The following ZFPM2 variants were observed in gnomAD, a reference collection of about 807,000 sequenced individuals.
ZFPM2 encodes zinc finger protein, FOG family member 2.
A neutral mutation model predicts 98.6 loss-of-function variants in ZFPM2; 20 were observed. The ratio of observed to expected loss-of-function variants is 0.20; its 90% CI spans 0.14 to 0.29. The LOEUF (loss-of-function observed/expected upper bound fraction) is 0.29. Among genes scored for constraint, ZFPM2 ranks in the 10% least tolerant of loss-of-function variants. The probability of loss-of-function intolerance (pLI) is 1.00; values close to 1 mark genes in which losing one functional copy is unlikely to be tolerated. For missense variants in ZFPM2, 1,310 were observed against 1,388.6 expected (o/e 0.94, Z 0.90); for synonymous variants, 518 against 502.7 (o/e 1.03, Z -0.41).
intron 4 of ZFPM2, among the ~76,000 whole-genome samples, chr8:105,601,553 C>T (rs1009982946): frequency 2.6e-5 from 4 of 152,210 alleles, no homozygotes; most frequent in East Asian, 1.9e-4. Flanking sequence ...TAAATTATAG[C>T]CAAATTCTTC....
At chr8:105,741,242 A>C (rs1172088354) in intron 5 of ZFPM2, among the ~76,000 whole-genome samples, 1 of 152,104 alleles carries the variant, frequency 6.6e-6, no homozygotes, top group East Asian at 1.9e-4. Flanking sequence ...TGACCCTTGG[A>C]TTTAGCAGCG....
chr8:105,557,596 A>G (rs963007890), intron 3 of ZFPM2, among the ~76,000 whole-genome samples: 5 of 152,066 alleles, frequency 3.3e-5, no homozygotes, highest in South Asian at 2.1e-4. Flanking sequence ...CCCAAGCCAT[A>G]TGGATTTTAT....
chr8:105,393,905 T>G (rs2129949086), intron 1 of ZFPM2, among the ~76,000 whole-genome samples: 1 of 150,886 alleles, frequency 6.6e-6, no homozygotes, highest in African/African-American at 2.4e-5. Flanking sequence ...TTTTTTTTTT[T>G]TTTTTTGAGA....
chr8:105,514,278 C>T (rs1333139268), intron 3 of ZFPM2, among the ~76,000 whole-genome samples: 2 of 147,006 alleles, frequency 1.4e-5, no homozygotes, highest in Non-Finnish European at 3.0e-5. Context: ...GCTGGGATTA[C>T]AGGCGTGAGC....
intron 1 of ZFPM2, among the ~76,000 whole-genome samples, chr8:105,336,035 A>G (rs547618973): frequency 6.6e-6 from 1 of 151,958 alleles, no homozygotes; most frequent in African/African-American, 2.4e-5. Context: ...ATCCGATGGC[A>G]TTTGAATGGA....
chr8:105,344,687 G>A (rs1047592337), intron 1 of ZFPM2, among the ~76,000 whole-genome samples: 4 of 151,856 alleles, frequency 2.6e-5, no homozygotes, highest in African/African-American at 7.3e-5. Flanking sequence ...ATATATATGT[G>A]TGTGTGTATA....
chr8:105,437,795 C>T (rs1218829610), intron 2 of ZFPM2, among the ~76,000 whole-genome samples: 1 of 152,162 alleles, frequency 6.6e-6, no homozygotes, highest in African/African-American at 2.4e-5. Flanking sequence ...GTAATCCCAG[C>T]ACTTTAAGAG....
At chr8:105,379,710 G>A (rs1006156344) in intron 1 of ZFPM2, among the ~76,000 whole-genome samples, 2 of 148,746 alleles carry the variant, frequency 1.3e-5, no homozygotes, top group African/African-American at 2.5e-5. Context: ...CCGAGATCAC[G>A]CCATTGCGCT....
chr8:105,461,453 G>A (rs1244657558), intron 3 of ZFPM2, among the ~76,000 whole-genome samples: 1 of 152,042 alleles, frequency 6.6e-6, no homozygotes, highest in African/African-American at 2.4e-5. Flanking sequence ...TATGTCATCC[G>A]GTTAGGCTCA....
Position 105,710,092 on chromosome 8 carries a change from CT to C in ZFPM2, c.532+75747del, listed in dbSNP as rs367622436. ...TCTTTAGCCATTATTTAGTCTGATC[CT>C]TTTTTTTTTTTCATGAAGAAGCATT... On this transcript the variant is annotated intron_variant, in intron 5 of 7. Transcript: ENST00000407775. Among the ~76,000 whole-genome samples, 1,319 of 142,760 alleles carry C rather than the reference CT, an allele frequency of 9.2e-3. 6 individuals are homozygous for C. The highest frequency in any genetic ancestry group is 0.019 in the African/African-American group (751 of 38,978). The allele number at this position is 142,760 out of a possible 152,430, so 93.7% of individuals were successfully genotyped here. A position where few individuals can be genotyped will look rare whatever the true frequency, so the allele number is the denominator to read the frequency against.
intron 3 of ZFPM2, among the ~76,000 whole-genome samples, chr8:105,511,454 C>A (rs2130508721): frequency 6.6e-6 from 1 of 152,284 alleles, no homozygotes; most frequent in African/African-American, 2.4e-5. Flanking sequence ...AGCTCTTCAC[C>A]TAGATGGGGG....
chr8:105,430,852 T>G (rs193035770), intron 2 of ZFPM2, among the ~76,000 whole-genome samples: 1 of 151,872 alleles, frequency 6.6e-6, no homozygotes, highest in East Asian at 1.9e-4. Context: ...TACAGTAGGT[T>G]CCCAGAAGTG....
intron 3 of ZFPM2, among the ~76,000 whole-genome samples, chr8:105,466,668 G>A (rs867249609): frequency 6.6e-6 from 1 of 152,046 alleles, no homozygotes; most frequent in Non-Finnish European, 1.5e-5. Flanking sequence ...TAGGTTGAAA[G>A]TTTAATTGTT....
In ZFPM2 at chr8:105,320,657, T is replaced by G. The variant is rs150228917; in HGVS notation, c.40+1676T>G. 5.0e-3 allele frequency among the ~76,000 whole-genome samples: 763 copies of G among 152,314 alleles called. 6 individuals are homozygous for G. Among genetic ancestry groups the G allele is most frequent in the African/African-American group, 0.017 (706 of 41,576 alleles). ...GGGTTTGTTAATAAATAATTAATAT[T>G]AATTGATTGTATGGCACAAGACCAT... On this transcript the variant is annotated intron_variant, in intron 1 of 7. Transcript: ENST00000407775.
At position 105,654,922 on chromosome 8, in the gene ZFPM2, CTA is replaced by C. The variant is rs553758814; in HGVS notation, c.532+20567_532+20568del. Among the ~76,000 whole-genome samples, 6 of 152,282 alleles carry C rather than the reference CTA, an allele frequency of 3.9e-5. No homozygotes were observed. The East Asian group carries it at 1.2e-3, about 29-fold the overall frequency. ...ATAAAGTCCTCTGATACAGCCTTTT[CTA>C]TGATATAAAGTTTATTTGAATTTTT... On this transcript the variant is annotated intron_variant, in intron 5 of 7. Transcript: ENST00000407775.
intron 5 of ZFPM2, among the ~76,000 whole-genome samples, chr8:105,706,956 T>C (rs1328119925): frequency 5.3e-5 from 8 of 151,868 alleles, no homozygotes; most frequent in Admixed American, 5.2e-4. Flanking sequence ...TAAAAAGTAT[T>C]TAGGCTGGGT....
intron 4 of ZFPM2, among the ~76,000 whole-genome samples, chr8:105,622,526 A>G (rs1321126304): frequency 2.0e-5 from 3 of 152,182 alleles, no homozygotes; most frequent in African/African-American, 4.8e-5. Context: ...AAGATTTAAG[A>G]CATTTTCCAG....
At position 105,804,333 on chromosome 8, in the gene ZFPM2, G is replaced by C. The variant is rs1337942332; in HGVS notation, c.*795G>C. The C allele has an allele frequency of 6.6e-6, 1 of 152,548 alleles. No homozygotes were observed. Among genetic ancestry groups the C allele is most frequent in the Non-Finnish European group, 1.5e-5 (1 of 68,028 alleles). 9.4% of individuals were successfully genotyped at this position (152,548 alleles called of 1,614,324 possible). A position where few individuals can be genotyped will look rare whatever the true frequency, so the allele number is the denominator to read the frequency against. On this transcript the variant is annotated 3_prime_UTR_variant, in exon 8 of 8. Transcript: ENST00000407775. ...GTAGTATTAATCAGTTTTATCTTTT[G>C]AAAGGCACAGTCTAAATCGAAACCC...
At chr8:105,487,032 C>CT (rs1813242748) in intron 3 of ZFPM2, among the ~76,000 whole-genome samples, 1 of 152,146 alleles carries the variant, frequency 6.6e-6, no homozygotes, top group Non-Finnish European at 1.5e-5. Context: ...CAGGTACCCC[C>CT]TTCTCTTGGT....
Sources: gnomAD v4.1 joint callset for allele counts (sites outside exome capture counted in the v4.1 genomes callset) on GRCh38, gnomAD v4.1.1 for gene constraint, MANE v1.5 for transcripts, NCBI Gene and HGNC (gene_info 2026-07-23, HGNC 2026-07-21) for gene names.